NLRP2: variants seen among roughly 807,000 people sequenced by gnomAD.
NLRP2 encodes NLR family pyrin domain containing 2, also known as NACHT, LRR and PYD domains-containing protein 2.
A neutral mutation model predicts 97.2 loss-of-function variants in NLRP2; 107 were observed. That is an observed-to-expected ratio of 1.10 (90% confidence interval 0.94 to 1.29). The LOEUF (loss-of-function observed/expected upper bound fraction) is 1.29, where lower values mean the gene tolerates loss of function less well. Among genes scored for constraint, NLRP2 ranks in the 50% most tolerant of loss-of-function variants. The pLI is 0.00. For synonymous variants in NLRP2, 663 were observed against 551.5 expected, an observed-to-expected ratio of 1.20 and a Z score of -2.83; for missense variants, 1,495 against 1,330.3, an observed-to-expected ratio of 1.12 and a Z score of -1.93.
Position 54,994,365 on chromosome 19 carries a change from TCA to T in NLRP2, c.2808_2809del (p.Ile937ArgfsTer3). The T allele has an allele frequency of 1.2e-6, 2 of 1,614,088 alleles. No homozygotes were observed. The highest frequency in any genetic ancestry group is 1.1e-5 in the South Asian group (1 of 91,074). Reference protein sequence around the residue: ...SLLCLDLGLNHIGVKGMKFLC... With the variant: ...SLLCLDLGLNXIGVKGMKFLC... ...TGTTGTGTTTGGATCTGGGGCTGAATCACATAGGAGTTAAGGGAATGAAGTTC... is the reference window on the plus strand; with the variant it reads ...TGTTGTGTTTGGATCTGGGGCTGAATCATAGGAGTTAAGGGAATGAAGTTC... On this transcript the variant is annotated frameshift_variant, in exon 11 of 13. Coordinates refer to ENST00000448584, the MANE Select transcript of NLRP2 (RefSeq NM_017852.5). LOFTEE classifies it high-confidence loss of function.
rs530578605 is a variant in NLRP2 at position 54,980,582 on chromosome 19, C to T, written c.398-1035C>T. Among the ~76,000 whole-genome samples, 20 of 152,296 alleles carry T rather than the reference C, an allele frequency of 1.3e-4. No homozygotes were observed. The East Asian group carries it at 3.7e-3, about 28-fold the overall frequency. On this transcript the variant is annotated intron_variant, in intron 4 of 12. Coordinates refer to ENST00000448584, the MANE Select transcript of NLRP2 (RefSeq NM_017852.5). Reference sequence around the variant, plus strand: ...GGAAAAGACATTGGCAGAGAGACCCCAGCGGGCAGGTTGTCATGAGTAGCT... The same window carrying T: ...GGAAAAGACATTGGCAGAGAGACCCTAGCGGGCAGGTTGTCATGAGTAGCT...
chr19:54,998,611 CTTTTTTTTTTT>C (rs375510249), intron 12 of NLRP2, among the ~76,000 whole-genome samples: 53 of 42,220 alleles, frequency 1.3e-3, no homozygotes, highest in African/African-American at 4.2e-3. Context: ...CATCTTTTTT[CTTTTTTTTTTT>C]TTTTTTTCCT....
In NLRP2 at chr19:54,982,283, C is replaced by T. The variant is rs10403648; in HGVS notation, c.585C>T (p.Phe195=). The T allele has an allele frequency of 0.065, 105,475 of 1,613,880 alleles. 5,781 individuals carry two copies. The highest frequency in any genetic ancestry group is 0.22 in the East Asian group (10,030 of 44,846). The change falls in exon 6 of 13, where the codon TTC becomes TTT. Residue 195 remains phenylalanine (F), a synonymous_variant. Transcript: ENST00000448584. The part of the protein sequence containing the change: ...MAERYKMLIP[F]SNPRVLPGPF... ...AGAGATACAAGATGCTGATCCCATT[C>T]AGCAACCCCAGGGTGCTTCCCGGGC...
chr19:55,000,744 C>T lies in NLRP2; in HGVS notation c.3051-16C>T, dbSNP rs199974397. ...TGATGCACAAAGTAACCTTTTCTTC[C>T]CCCATTGTACCCCAGGTTGAAAATC... is the stretch of plus-strand genomic sequence containing the variant. On this transcript the variant is annotated splice_polypyrimidine_tract_variant and intron_variant, in intron 12 of 12. Transcript: ENST00000448584. 8 of 1,613,026 alleles carry T rather than the reference C, an allele frequency of 5.0e-6. No homozygotes were observed. Among genetic ancestry groups the T allele is most frequent in the Non-Finnish European group, 6.8e-6 (8 of 1,179,256 alleles).
chr19:54,998,631 CTTTT>C (rs1179005483), intron 12 of NLRP2, among the ~76,000 whole-genome samples: 10,500 of 61,596 alleles, frequency 0.17, 687 homozygotes, highest in Middle Eastern at 0.38. Context: ...TTTTTTTTTC[CTTTT>C]TTTTTTTTTT....
At chr19:54,999,690 AAG>A (rs1426332011) in intron 12 of NLRP2, among the ~76,000 whole-genome samples, 1 of 152,210 alleles carries the variant, frequency 6.6e-6, no homozygotes, top group Non-Finnish European at 1.5e-5. Context: ...GAATGAAAAA[AAG>A]GATTAAAAAG....
At position 54,982,741 on chromosome 19, in the gene NLRP2, C is replaced by A; in HGVS notation, c.1043C>A (p.Ala348Glu). Residue 348 changes from alanine to glutamate, a missense_variant, in exon 6 of 13, where the codon GCG (alanine) becomes GAG (glutamate). Ala to Glu is a moderately radical substitution (Grantham distance 107). Transcript: ENST00000448584. ...GCCCTGAGGGACCTCCGGATCCTGG[C>A]GGAGGAGCCGATCTACATAAGGGTG... ...PRALRDLRIL[A>E]EEPIYIRVEG... The A allele has an allele frequency of 6.2e-7, 1 of 1,613,994 alleles. No individual in the cohort carries two copies. Among genetic ancestry groups the A allele is most frequent in the South Asian group, 1.1e-5 (1 of 91,066 alleles).
intron 3 of NLRP2, 50 bp from the exon 4 acceptor site, chr19:54,977,701 GT>G (rs1296846477): frequency 6.3e-7 from 1 of 1,582,654 alleles, no homozygotes. Flanking sequence ...CCATCTTGGA[GT>G]CCCACTGCCA....
At chr19:54,996,698 C>T (rs1254058961) in intron 11 of NLRP2, among the ~76,000 whole-genome samples, 10 of 152,084 alleles carry the variant, frequency 6.6e-5, no homozygotes, top group East Asian at 1.9e-4. Context: ...TTCTATTTTA[C>T]GTGTCAGTCA....
Position 54,985,150 on chromosome 19 carries a change from A to G in NLRP2, c.2134A>G (p.Ser712Gly), listed in dbSNP as rs775798143. The G allele has an allele frequency of 1.2e-6, 2 of 1,613,936 alleles. No individual in the cohort carries two copies. Among genetic ancestry groups the G allele is most frequent in the Middle Eastern group, 1.6e-4 (1 of 6,062 alleles). Residue 712 changes from serine (S) to glycine (G), a missense_variant, in exon 7 of 13, where the codon AGT (serine) becomes GGT (glycine). Transcript: ENST00000448584. The stretch of plus-strand genomic sequence containing the variant: ...TCTAGCAATCAATGATAGCTTTCTC[A>G]GTGCCTCCCTAGTAAGGATCCTGTG... ...MGLAINDSFL[S>G]ASLVRILCEQ...
In NLRP2 at chr19:54,997,262, G is replaced by C. The variant is rs2072880427; in HGVS notation, c.2880-55G>C. 4 of 1,588,822 alleles carry C rather than the reference G, an allele frequency of 2.5e-6. No individual in the cohort carries two copies. The Admixed American group carries it at 6.7e-5, about 26-fold the overall frequency. ...ACACGAGGGTGGGCTTGGCTTGCCG[G>C]AGGGCATCGATCAGCACTGGCTGCA... On this transcript the variant is annotated intron_variant, in intron 11 of 12. Coordinates refer to ENST00000448584, the MANE Select transcript of NLRP2 (RefSeq NM_017852.5).
intron 11 of NLRP2, among the ~76,000 whole-genome samples, chr19:54,995,236 G>C (rs34764319): frequency 0.14 from 18,719 of 138,370 alleles, 1,835 homozygotes; most frequent in Non-Finnish European, 0.21. Context: ...TGTTGCCCAG[G>C]CTGTAGTGTA....
At chr19:54,990,480 G>A in intron 9 of NLRP2, 22 bp from the exon 10 acceptor site, 1 of 1,613,848 alleles carries the variant, frequency 6.2e-7, no homozygotes, top group Non-Finnish European at 8.5e-7. Flanking sequence ...CAACCGTGTT[G>A]CCATTTGTGA....
intron 4 of NLRP2, 63 bp downstream of exon 4, chr19:54,977,886 T>C: frequency 6.9e-7 from 1 of 1,443,044 alleles, no homozygotes; most frequent in Admixed American, 1.7e-5. Context: ...TGCTGCTATC[T>C]CCTGTTCCTT....
intron 2 of NLRP2, among the ~76,000 whole-genome samples, chr19:54,972,696 C>A (rs145377968): frequency 1.3e-5 from 2 of 151,940 alleles, no homozygotes; most frequent in Non-Finnish European, 2.9e-5. Flanking sequence ...TGGGCTCAAC[C>A]GATCCTCCTG....
At chr19:54,981,277 G>A (rs1025667185) in intron 4 of NLRP2, among the ~76,000 whole-genome samples, 8 of 151,780 alleles carry the variant, frequency 5.3e-5, no homozygotes, top group South Asian at 2.1e-4. Flanking sequence ...AGCAATTCTC[G>A]AGCCTCTTGG....
intron 2 of NLRP2, among the ~76,000 whole-genome samples, chr19:54,971,857 C>CTCACTCT (rs1235472057): frequency 1.3e-5 from 2 of 151,760 alleles, no homozygotes; most frequent in African/African-American, 4.8e-5. Context: ...GAGAGAGGAT[C>CTCACTCT]TCACTCTGTC....
At chr19:55,000,684 C>T in intron 12 of NLRP2, 76 bp from the exon 13 acceptor site, 1 of 1,509,600 alleles carries the variant, frequency 6.6e-7, no homozygotes, top group Non-Finnish European at 9.2e-7. Flanking sequence ...CCTTAACAGA[C>T]TTTCAGGTAC....
Position 54,983,515 on chromosome 19 carries a change from T to A in NLRP2, c.1817T>A (p.Leu606His), listed in dbSNP as rs1365162739. 2.5e-6 allele frequency: 4 copies of A among 1,614,052 alleles called. No homozygotes were observed. Among genetic ancestry groups the A allele is most frequent in the Non-Finnish European group, 2.5e-6 (3 of 1,180,050 alleles). The part of the protein sequence containing the change: ...HSTVTDLQEL[L>H]GCLYESQEEE... ...ACGGTGACAGACCTGCAGGAGCTCC[T>A]CGGCTGTCTGTACGAGTCTCAGGAG... is the stretch of plus-strand genomic sequence containing the variant. Residue 606 changes from leucine to histidine, a missense_variant, in exon 6 of 13, where the codon CTC becomes CAC. Physicochemically the swap from Leu to His is moderately conservative, Grantham distance 99. Transcript: ENST00000448584.
Sources: gnomAD v4.1 joint callset for allele counts (sites outside exome capture counted in the v4.1 genomes callset) on GRCh38, gnomAD v4.1.1 for gene constraint, MANE v1.5 for transcripts, NCBI Gene and HGNC (gene_info 2026-07-23, HGNC 2026-07-21) for gene names.